Variants in RAD54L observed in about 807,000 individuals in gnomAD.
RAD54L encodes DNA repair and recombination protein RAD54-like.
A neutral mutation model predicts 91.6 loss-of-function variants in RAD54L; 74 were observed. The ratio of observed to expected loss-of-function variants is 0.81; its 90% confidence interval spans 0.67 to 0.98. RAD54L has a LOEUF of 0.98. RAD54L is among the 50% of genes least tolerant of loss of function. The pLI is 0.00. For synonymous variants in RAD54L, 304 were observed against 349.7 expected (o/e 0.87, Z 1.46); for missense variants, 887 against 945.7 (o/e 0.94, Z 0.81).
At position 46,250,092 on chromosome 1, in the gene RAD54L, A is replaced by G; in HGVS notation, c.183A>G (p.Gln61=). Residue 61 remains glutamine (Q), a synonymous_variant, in exon 3 of 18, where the codon CAA becomes CAG. Transcript: ENST00000371975. ...FRKPLSQLTN[Q]PPCLDSSQHE... ...AACCTTTGAGTCAGCTAACCAATCA[A>G]CCACCTTGTCTGGACAGCAGTCAGC... 5.0e-6 allele frequency: 8 copies of G among 1,614,122 alleles called. No individual in the cohort carries two copies. The South Asian group carries it at 7.7e-5, about 16-fold the overall frequency.
rs1660401219 is a variant in RAD54L, at chr1:46,270,753, G to T, written c.1137G>T (p.Glu379Asp). Residue 379 changes from glutamate (E) to aspartate (D), a missense_variant, in exon 10 of 18, where the codon GAG becomes GAT. Coordinates refer to ENST00000371975, the MANE Select transcript of RAD54L (RefSeq NM_003579.4). ...AGGCAGACAGGCAGCTAGGAGAGGA[G>T]CGGCTGCGGGAGCTCACCAGCATTG... ...ASEADRQLGE[E>D]RLRELTSIVN... 6.2e-7 allele frequency: 1 copy of T among 1,614,118 alleles called. No homozygotes were observed. Among genetic ancestry groups the T allele is most frequent in the African/African-American group, 1.3e-5 (1 of 74,938 alleles).
Position 46,270,661 on chromosome 1 carries a change from A to G in RAD54L, c.1045A>G (p.Thr349Ala), listed in dbSNP as rs1431225411. Residue 349 changes from threonine (T) to alanine (A), a missense_variant and splice_region_variant, in exon 10 of 18, where the codon ACT becomes GCT. Coordinates refer to ENST00000371975, the MANE Select transcript of RAD54L (RefSeq NM_003579.4). ...TTTTCCTTCTCTCCTGTGTTTAGGG[A>G]CTGCCCATGAATTCAAGAAGCATTT... ...VHFVNSGILG[T>A]AHEFKKHFEL... 4.3e-6 allele frequency: 7 copies of G among 1,612,372 alleles called. No homozygotes were observed. The highest frequency in any genetic ancestry group is 1.7e-5 in the Admixed American group (1 of 60,012).
chr1:46,254,744 A>G (rs2148281287), intron 3 of RAD54L, among the ~76,000 whole-genome samples: 1 of 152,070 alleles, frequency 6.6e-6, no homozygotes, highest in Non-Finnish European at 1.5e-5. Flanking sequence ...GTGCCACCAA[A>G]CCTGGCTAAT....
rs373122843 is a variant in RAD54L, at chr1:46,273,616, C to T, written c.1487-8C>T. ...CAGTAGGGGACTGCTGGTTGCTGCT[C>T]TTCCCAGGTAAGATGCTGGTCCTGG... On this transcript the variant is annotated splice_polypyrimidine_tract_variant and splice_region_variant and intron_variant, in intron 13 of 17. Coordinates refer to ENST00000371975, the MANE Select transcript of RAD54L (RefSeq NM_003579.4). 8 of 1,613,146 alleles carry T rather than the reference C, an allele frequency of 5.0e-6. No homozygotes were observed. In the African/African-American group the frequency reaches 9.3e-5, roughly 19 times the overall value.
intron 9 of RAD54L, 126 bp from the exon 10 acceptor site, chr1:46,270,533 C>A: frequency 7.8e-7 from 1 of 1,279,120 alleles, no homozygotes; most frequent in Non-Finnish European, 1.1e-6. Context: ...AGAAATTGGC[C>A]TATATTTTGT....
At position 46,273,670 on chromosome 1, in the gene RAD54L, TAGC is replaced by T; in HGVS notation, c.1536_1538del (p.Ser513del). On this transcript the variant is annotated inframe_deletion, in exon 14 of 18. Coordinates refer to ENST00000371975, the MANE Select transcript of RAD54L (RefSeq NM_003579.4). ...ATATTCTGGCGGTGACCCGAAGCCGTAGCAGTGACAAAGTAGTGCTGGTGTCGA... is the reference window on the plus strand; with the variant it reads ...ATATTCTGGCGGTGACCCGAAGCCGTAGTGACAAAGTAGTGCTGGTGTCGA... 1.9e-6 allele frequency: 3 copies of T among 1,614,042 alleles called. No individual in the cohort carries two copies. The highest frequency in any genetic ancestry group is 1.7e-6 in the Non-Finnish European group (2 of 1,180,014).
At chr1:46,249,031 C>T (rs1031115643) in intron 2 of RAD54L, among the ~76,000 whole-genome samples, 1 of 152,208 alleles carries the variant, frequency 6.6e-6, no homozygotes, top group Non-Finnish European at 1.5e-5. Flanking sequence ...CTTGCTCATA[C>T]TCAAGTACAG....
rs973635040 is a variant in RAD54L, at chr1:46,267,554, G to C, written c.987G>C (p.Gln329His). The C allele has an allele frequency of 6.2e-7, 1 of 1,613,476 alleles. No individual in the cohort carries two copies. The highest frequency in any genetic ancestry group is 8.5e-7 in the Non-Finnish European group (1 of 1,179,582). Residue 329 changes from glutamine to histidine, a missense_variant, in exon 9 of 18, where the codon CAG becomes CAC. Coordinates refer to ENST00000371975, the MANE Select transcript of RAD54L (RefSeq NM_003579.4). ...TGCTCATCTCCGGAACTCCCATCCA[G>C]AATGATCTGCTTGAGTATTTCAGCT... is the stretch of plus-strand genomic sequence containing the variant. ...RRVLISGTPI[Q>H]NDLLEYFSLV... is the part of the protein sequence containing the mutation.
At chr1:46,269,871 G>A (rs1473671414) in intron 9 of RAD54L, among the ~76,000 whole-genome samples, 1 of 152,124 alleles carries the variant, frequency 6.6e-6, no homozygotes, top group Non-Finnish European at 1.5e-5. Context: ...GGGAGACCAA[G>A]GCGGGAGGGT....
At chr1:46,256,521 C>A (rs1425980927) in intron 3 of RAD54L, among the ~76,000 whole-genome samples, 1 of 147,346 alleles carries the variant, frequency 6.8e-6, no homozygotes, top group African/African-American at 2.5e-5. Flanking sequence ...TGAGAAAGAT[C>A]CCTTGAGCCA....
intron 5 of RAD54L, 41 bp downstream of exon 5, chr1:46,260,140 T>TA (rs1269095369): frequency 1.2e-6 from 2 of 1,613,414 alleles, no homozygotes; most frequent in Non-Finnish European, 1.7e-6. Flanking sequence ...TGGTTCTCTG[T>TA]ATATGCACGC....
chr1:46,269,684 T>C (rs1432318996), intron 9 of RAD54L, among the ~76,000 whole-genome samples: 1 of 152,144 alleles, frequency 6.6e-6, no homozygotes, highest in Non-Finnish European at 1.5e-5. Context: ...CAAAAAACTC[T>C]AACTGGATTT....
chr1:46,273,441 A>G lies in RAD54L; in HGVS notation c.1462A>G (p.Lys488Glu). 6.2e-7 allele frequency: 1 copy of G among 1,613,724 alleles called. No homozygotes were observed. Among genetic ancestry groups the G allele is most frequent in the East Asian group, 2.2e-5 (1 of 44,860 alleles). ...CCTCTTCCCTCCTGGTTACAGCTCT[A>G]AGGCCCTGGAGCCCCAGCTGTCAGG... ...LDLFPPGYSSKALEPQLSGKM... is the reference protein window; with the variant it reads ...LDLFPPGYSSEALEPQLSGKM... Residue 488 changes from lysine to glutamate, a missense_variant, in exon 13 of 18, where the codon AAG (lysine) becomes GAG (glutamate). Physicochemically the swap from Lys to Glu is moderately conservative, Grantham distance 56. Transcript: ENST00000371975.
In RAD54L at chr1:46,267,462, C is replaced by CACAG. The variant is rs1557704699; in HGVS notation, c.896_899dup (p.Leu301GlnfsTer6). ...CTGAATAAGGATTCTCTTGCAGGGACACAGGCTCAAGAACTCTGAGAATCA... is the reference window on the plus strand; with the variant it reads ...CTGAATAAGGATTCTCTTGCAGGGACACAGACAGGCTCAAGAACTCTGAGAATCA... On this transcript the variant is annotated frameshift_variant, in exon 9 of 18. Coordinates refer to ENST00000371975, the MANE Select transcript of RAD54L (RefSeq NM_003579.4). LOFTEE classifies it high-confidence loss of function. 9 of 1,613,894 alleles carry CACAG rather than the reference C, an allele frequency of 5.6e-6. No homozygotes were observed. In the South Asian group the frequency reaches 9.9e-5, roughly 18 times the overall value.
chr1:46,273,364 T>C lies in RAD54L; in HGVS notation c.1385T>C (p.Leu462Pro), dbSNP rs1055377394. The change falls in exon 13 of 18, where the codon CTA becomes CCA. Residue 462 changes from leucine to proline, a missense_variant. Coordinates refer to ENST00000371975, the MANE Select transcript of RAD54L (RefSeq NM_003579.4). ...SLKKLCNHPA[L>P]IYDKCVEEED... Reference sequence around the variant, plus strand: ...TTTTGTTTTCTCCCAGATCCAGCTCTAATCTATGATAAGTGTGTGGAAGAG... The same window carrying C: ...TTTTGTTTTCTCCCAGATCCAGCTCCAATCTATGATAAGTGTGTGGAAGAG... The C allele has an allele frequency of 9.3e-6, 15 of 1,612,018 alleles. No individual in the cohort carries two copies. The highest frequency in any genetic ancestry group is 1.3e-5 in the Non-Finnish European group (15 of 1,178,046).
At position 46,248,567 on chromosome 1, in the gene RAD54L, GTGA is replaced by G. The variant is rs1254659643; in HGVS notation, c.66_68del (p.Asp22del). ...AAGAGAAAACCTGAAGGCAGGTCCT[GTGA>G]TGATGAAGACTGGCAACCTGGCCTA... is the stretch of plus-strand genomic sequence containing the variant. On this transcript the variant is annotated inframe_deletion, in exon 2 of 18. Coordinates refer to ENST00000371975, the MANE Select transcript of RAD54L (RefSeq NM_003579.4). 3 of 1,614,178 alleles carry G rather than the reference GTGA, an allele frequency of 1.9e-6. No individual in the cohort carries two copies. The highest frequency in any genetic ancestry group is 2.2e-5 in the South Asian group (2 of 91,088).
intron 8 of RAD54L, among the ~76,000 whole-genome samples, chr1:46,264,177 G>C (rs1007977649): frequency 6.6e-6 from 1 of 152,204 alleles, no homozygotes; most frequent in Non-Finnish European, 1.5e-5. Flanking sequence ...AAGGGATGAG[G>C]CTGCCTCTTA....
intron 3 of RAD54L, among the ~76,000 whole-genome samples, chr1:46,256,690 TAAAC>T (rs988567185): frequency 8.6e-5 from 13 of 151,892 alleles, no homozygotes; most frequent in African/African-American, 2.9e-4. Flanking sequence ...AATTTGCAAA[TAAAC>T]AAAAGCATTT....
rs139209144 is a variant in RAD54L at position 46,259,994 on chromosome 1, A to T, written c.302A>T (p.Lys101Ile). The T allele has an allele frequency of 1.2e-6, 2 of 1,614,124 alleles. No individual in the cohort carries two copies. The highest frequency in any genetic ancestry group is 1.7e-6 in the Non-Finnish European group (2 of 1,180,006). Residue 101 changes from lysine (K) to isoleucine (I), a missense_variant, in exon 5 of 18, where the codon AAA (lysine) becomes ATA (isoleucine). Coordinates refer to ENST00000371975, the MANE Select transcript of RAD54L (RefSeq NM_003579.4). ...CTGGGCTCTCGAGCATTGGGCCTGA[A>T]AAGGGCTGGGGTCCGCCGGGCCCTC... is the stretch of plus-strand genomic sequence containing the variant. ...GPLGSRALGL[K>I]RAGVRRALHD...
Sources: allele counts gnomAD v4.1 joint callset (sites outside exome capture counted in the v4.1 genomes callset), GRCh38; gene constraint gnomAD v4.1.1; transcripts MANE v1.5; gene names NCBI Gene and HGNC (gene_info 2026-07-23, HGNC 2026-07-21).